Variants in ST8SIA5 observed in about 807,000 individuals in gnomAD.
ST8SIA5 encodes ST8 alpha-N-acetyl-neuraminide alpha-2,8-sialyltransferase 5.
A neutral mutation model predicts 40.2 loss-of-function variants in ST8SIA5; 24 were observed. That is an observed-to-expected ratio of 0.60 (90% CI 0.43 to 0.84). The LOEUF (loss-of-function observed/expected upper bound fraction) is 0.84. Ranked by LOEUF, ST8SIA5 falls within the 40% of genes least tolerant of loss-of-function variation. ST8SIA5 has a pLI of 0.00. For missense variants in ST8SIA5, 465 were observed against 498.5 expected (o/e 0.93, Z 0.64); for synonymous variants, 198 against 201.8 (o/e 0.98, Z 0.16).
intron 1 of ST8SIA5, among the ~76,000 whole-genome samples, chr18:46,719,838 C>CTT (rs756825864): frequency 0.021 from 2,805 of 134,144 alleles, 37 homozygotes; most frequent in Middle Eastern, 0.041. Context: ...TTCTTTCTTT[C>CTT]TCTCTCTCTT....
intron 2 of ST8SIA5, among the ~76,000 whole-genome samples, chr18:46,703,652 G>A (rs893775068): frequency 2.2e-4 from 33 of 152,222 alleles, no homozygotes; most frequent in African/African-American, 7.9e-4. Context: ...CTGAGGGCCA[G>A]GGACCCCAGA....
At chr18:46,730,056 G>T in intron 1 of ST8SIA5, 1 of 569,060 alleles carries the variant, frequency 1.8e-6, no homozygotes, top group Non-Finnish European at 2.2e-6. Context: ...AGTTTGATGA[G>T]GGAGAAGGTT....
chr18:46,688,989 T>C, intron 3 of ST8SIA5, 70 bp from the exon 4 acceptor site: 1 of 1,542,494 alleles, frequency 6.5e-7, no homozygotes, highest in Non-Finnish European at 8.7e-7. Context: ...GAGCACAACC[T>C]CACGGAGAAC....
intron 2 of ST8SIA5, among the ~76,000 whole-genome samples, chr18:46,703,995 A>G (rs1039704006): frequency 6.6e-6 from 1 of 152,098 alleles, no homozygotes; most frequent in Non-Finnish European, 1.5e-5. Context: ...GTAAAAAAAA[A>G]CTTTTTAAAT....
chr18:46,711,056 C>A (rs2039727171), intron 1 of ST8SIA5, among the ~76,000 whole-genome samples: 1 of 152,156 alleles, frequency 6.6e-6, no homozygotes, highest in African/African-American at 2.4e-5. Context: ...CTCAGAGAAC[C>A]ATGGAGTTGT....
At chr18:46,704,903 G>A (rs757221932) in intron 1 of ST8SIA5, among the ~76,000 whole-genome samples, 7 of 152,206 alleles carry the variant, frequency 4.6e-5, no homozygotes, top group Non-Finnish European at 1.0e-4. Flanking sequence ...ATTTACAGAG[G>A]CATAAACAGA....
At chr18:46,729,005 C>A (rs2039959774) in intron 1 of ST8SIA5, among the ~76,000 whole-genome samples, 1 of 152,168 alleles carries the variant, frequency 6.6e-6, no homozygotes, top group African/African-American at 2.4e-5. Context: ...TTCACTTGCA[C>A]CCCTCTGCAA....
At chr18:46,726,650 G>A (rs536407973) in intron 1 of ST8SIA5, among the ~76,000 whole-genome samples, 8 of 151,932 alleles carry the variant, frequency 5.3e-5, no homozygotes, top group East Asian at 1.9e-4. Flanking sequence ...CAGGCACGGT[G>A]GCTCGTGCCT....
intron 1 of ST8SIA5, among the ~76,000 whole-genome samples, chr18:46,744,787 T>G (rs919891164): frequency 7.2e-5 from 11 of 152,196 alleles, no homozygotes; most frequent in Admixed American, 6.5e-4. Context: ...ACATCGCACT[T>G]ATTCTAAAAT....
chr18:46,756,518 C>T lies in ST8SIA5; in HGVS notation c.-10G>A, dbSNP rs916594523. ...GGTCCGCGTAGCGCATCCTGGCTAC[C>T]GGGCGCCGCGGGCGCGGGGTACGGG... On this transcript the variant is annotated 5_prime_UTR_variant, in exon 1 of 7. Coordinates refer to ENST00000315087, the MANE Select transcript of ST8SIA5 (RefSeq NM_013305.6). 8.7e-6 allele frequency: 14 copies of T among 1,611,434 alleles called. No individual in the cohort carries two copies. The African/African-American group carries it at 9.4e-5, about 11-fold the overall frequency.
At chr18:46,728,817 G>A (rs538164647) in intron 1 of ST8SIA5, among the ~76,000 whole-genome samples, 1 of 152,264 alleles carries the variant, frequency 6.6e-6, no homozygotes, top group African/African-American at 2.4e-5. Flanking sequence ...CTTCCTAGAT[G>A]GTCTCCTAGG....
At chr18:46,754,889 T>G (rs2040227029) in intron 1 of ST8SIA5, among the ~76,000 whole-genome samples, 1 of 152,232 alleles carries the variant, frequency 6.6e-6, no homozygotes. Context: ...GCAATCGGCC[T>G]GCAGGGCCGC....
intron 2 of ST8SIA5, among the ~76,000 whole-genome samples, chr18:46,697,818 G>A (rs1412984102): frequency 6.6e-6 from 1 of 152,082 alleles, no homozygotes; most frequent in East Asian, 1.9e-4. Flanking sequence ...AAAGATTTGA[G>A]AGAAAGTTGA....
At chr18:46,724,987 GAGAGGA>G (rs1292051265) in intron 1 of ST8SIA5, among the ~76,000 whole-genome samples, 4,874 of 135,296 alleles carry the variant, frequency 0.036, 154 homozygotes, top group Non-Finnish European at 0.056. Flanking sequence ...AAGAAAGAGA[GAGAGGA>G]AGGAAGGAAG....
chr18:46,721,232 G>C, intron 1 of ST8SIA5: 1 of 772,034 alleles, frequency 1.3e-6, no homozygotes, highest in East Asian at 2.7e-5. Flanking sequence ...ATACCAAAGT[G>C]CAGGGAGTTT....
At chr18:46,721,559 G>A in intron 1 of ST8SIA5, 1 of 1,044,228 alleles carries the variant, frequency 9.6e-7, no homozygotes. Flanking sequence ...CTGTGCCCAA[G>A]TGACACATTG....
At chr18:46,732,953 A>T (rs1192958648) in intron 1 of ST8SIA5, among the ~76,000 whole-genome samples, 1 of 152,134 alleles carries the variant, frequency 6.6e-6, no homozygotes, top group Non-Finnish European at 1.5e-5. Flanking sequence ...GCAGCTTGAG[A>T]TCGCTCTGTC....
rs546255098 is a variant in ST8SIA5, at chr18:46,672,944, C to T, written c.*7098G>A. On this transcript the variant is annotated 3_prime_UTR_variant, in exon 7 of 7. Coordinates refer to ENST00000315087, the MANE Select transcript of ST8SIA5 (RefSeq NM_013305.6). ...GTGATTCTAAAAAGTCTCTGGTATA[C>T]TATACTAAGTGAAATAAGCCAGTCA... 56 of 152,322 alleles carry T rather than the reference C, an allele frequency of 3.7e-4. No individual in the cohort carries two copies. Among genetic ancestry groups the T allele is most frequent in the Admixed American group, 1.3e-3 (20 of 15,300 alleles). 9.4% of individuals were successfully genotyped at this position (152,322 alleles called of 1,614,324 possible).
chr18:46,714,655 T>C (rs2039768065), intron 1 of ST8SIA5, among the ~76,000 whole-genome samples: 1 of 151,988 alleles, frequency 6.6e-6, no homozygotes, highest in Admixed American at 6.6e-5. Context: ...CTAGGCCCAC[T>C]CAGAGAACCC....
Sources: gnomAD v4.1 joint callset for allele counts (sites outside exome capture counted in the v4.1 genomes callset) on GRCh38, gnomAD v4.1.1 for gene constraint, MANE v1.5 for transcripts, NCBI Gene and HGNC (gene_info 2026-07-23, HGNC 2026-07-21) for gene names.